The following ZBTB40 variants were observed in gnomAD, a reference collection of about 807,000 sequenced individuals.
ZBTB40 encodes zinc finger and BTB domain containing 40, also known as zinc finger and BTB domain-containing protein 40.
In ZBTB40, 60 loss-of-function variants were observed where a neutral mutation model predicts 117.5. The ratio of observed to expected loss-of-function variants is 0.51; its 90% CI spans 0.41 to 0.63. The LOEUF is 0.63. ZBTB40 is among the 30% of genes least tolerant of loss of function. The probability of loss-of-function intolerance (pLI) is 0.00; values close to 1 mark genes in which losing one functional copy is unlikely to be tolerated. For missense variants in ZBTB40, 1,287 were observed against 1,498.5 expected (o/e 0.86, Z 2.33); for synonymous variants, 525 against 577.1 (o/e 0.91, Z 1.29).
chr1:22,500,826 T>C (rs1557509479), intron 3 of ZBTB40, among the ~76,000 whole-genome samples: 1 of 152,248 alleles, frequency 6.6e-6, no homozygotes, highest in Admixed American at 6.5e-5. Flanking sequence ...CCTTAATTGT[T>C]ACAGACTATA....
rs2124443775 is a variant in ZBTB40, at chr1:22,501,602, G to T, written c.942G>T (p.Arg314Ser). 1 of 1,614,146 alleles carries T rather than the reference G, an allele frequency of 6.2e-7. No individual in the cohort carries two copies. Among genetic ancestry groups the T allele is most frequent in the South Asian group, 1.1e-5 (1 of 91,086 alleles). ...TTCAAACTGTTGTGTCCCTGTTGAGGCTGTACCAATATTCTAATCCTGCAG... is the reference window on the plus strand; with the variant it reads ...TTCAAACTGTTGTGTCCCTGTTGAGTCTGTACCAATATTCTAATCCTGCAG... Reference protein sequence around the residue: ...LDVQTVVSLLRLYQYSNPAVK... With the variant: ...LDVQTVVSLLSLYQYSNPAVK... Residue 314 changes from arginine (R) to serine (S), a missense_variant, in exon 4 of 18, where the codon AGG (arginine) becomes AGT (serine). This residue lies in a region of ZBTB40 where 870 missense variants were observed against 934.4 expected (regional missense o/e 0.93). Coordinates refer to ENST00000375647, the MANE Select transcript of ZBTB40 (RefSeq NM_014870.4).
intron 12 of ZBTB40, among the ~76,000 whole-genome samples, chr1:22,515,069 T>A (rs1639340210): frequency 6.6e-6 from 1 of 152,200 alleles, no homozygotes; most frequent in Admixed American, 6.5e-5. Flanking sequence ...TGGGGGACAC[T>A]ATTTGTATCA....
intron 3 of ZBTB40, among the ~76,000 whole-genome samples, chr1:22,492,175 T>C (rs945451921): frequency 1.2e-4 from 18 of 152,202 alleles, no homozygotes; most frequent in African/African-American, 4.1e-4. Flanking sequence ...CATATGACCC[T>C]GAGCCAGAAT....
At chr1:22,515,932 G>A (rs1258021392) in intron 12 of ZBTB40, among the ~76,000 whole-genome samples, 1 of 152,244 alleles carries the variant, frequency 6.6e-6, no homozygotes, top group Non-Finnish European at 1.5e-5. Context: ...GGAAACAGAA[G>A]GCTGTTAGAG....
Position 22,508,707 on chromosome 1 carries a change from G to A in ZBTB40, c.1675G>A (p.Gly559Ser), listed in dbSNP as rs757148308. 3.0e-5 allele frequency: 49 copies of A among 1,613,902 alleles called. No individual in the cohort carries two copies. The highest frequency in any genetic ancestry group is 1.7e-4 in the Middle Eastern group (1 of 5,940). Residue 559 changes from glycine to serine, a missense_variant, in exon 8 of 18, where the codon GGT becomes AGT. Gly to Ser is a moderately conservative substitution (Grantham distance 56, BLOSUM62 0). Coordinates refer to ENST00000375647, the MANE Select transcript of ZBTB40 (RefSeq NM_014870.4). ...LLMEEIRREP[G>S]ADAFFRAVTT... ...CATGGAGGAAATACGAAGGGAGCCT[G>A]GTGCCGATGCTTTCTTCCGGGCAGG...
rs773350454 is a variant in ZBTB40, at chr1:22,489,984, G to A, written c.36G>A (p.Gln12=). The change falls in exon 2 of 18, where the codon CAG becomes CAA. Residue 12 remains glutamine, a synonymous_variant. Transcript: ENST00000375647. ...CCAACTACAGCCGGCAGCTGCTGCA[G>A]CAGCTGTACACTCTGTGCAAGGAGC... ...ELPNYSRQLL[Q]QLYTLCKEQQ... 2 of 1,613,326 alleles carry A rather than the reference G, an allele frequency of 1.2e-6. No individual in the cohort carries two copies. Among genetic ancestry groups the A allele is most frequent in the Admixed American group, 1.7e-5 (1 of 60,020 alleles).
intron 1 of ZBTB40, among the ~76,000 whole-genome samples, chr1:22,452,335 C>T (rs1640897811): frequency 6.6e-6 from 1 of 152,230 alleles, no homozygotes; most frequent in African/African-American, 2.4e-5. Flanking sequence ...CTGTCTCACT[C>T]CCCCTCCCTT....
In ZBTB40 at chr1:22,497,452, G is replaced by C. The variant is rs1035844958; in HGVS notation, c.832-4040G>C. On this transcript the variant is annotated intron_variant, in intron 3 of 17. Transcript: ENST00000375647. ...GTGAGTTAATGAGATTCGTTTTACA[G>C]GTCTATGAAAGGTGAAAATAAGTTG... Among the ~76,000 whole-genome samples the C allele has an allele frequency of 2.6e-5, 4 of 152,148 alleles. No individual in the cohort carries two copies. In the South Asian group the frequency reaches 8.3e-4, roughly 32 times the overall value.
At chr1:22,497,765 C>T (rs1286820354) in intron 3 of ZBTB40, among the ~76,000 whole-genome samples, 1 of 152,166 alleles carries the variant, frequency 6.6e-6, no homozygotes, top group Non-Finnish European at 1.5e-5. Flanking sequence ...GGGGTGCCAG[C>T]TACTCCACTT....
intron 1 of ZBTB40, among the ~76,000 whole-genome samples, chr1:22,461,061 AC>A (rs1641120550): frequency 6.6e-6 from 1 of 152,248 alleles, no homozygotes; most frequent in Non-Finnish European, 1.5e-5. Context: ...GATGTCGTGA[AC>A]ATAGTGGGAA....
chr1:22,451,464 GTC>G (rs1468307273), upstream of ZBTB40, among the ~76,000 whole-genome samples: 1 of 151,864 alleles, frequency 6.6e-6, no homozygotes, highest in Non-Finnish European at 1.5e-5. Flanking sequence ...GTGACATCCT[GTC>G]TCTACTAAAA....
Position 22,479,243 on chromosome 1 carries a change from T to C in ZBTB40, c.-69-10637T>C, listed in dbSNP as rs913005592. Among the ~76,000 whole-genome samples, 4 of 152,370 alleles carry C rather than the reference T, an allele frequency of 2.6e-5. No individual in the cohort carries two copies. In the East Asian group the frequency reaches 7.7e-4, roughly 29 times the overall value. On this transcript the variant is annotated intron_variant, in intron 1 of 17. Coordinates refer to ENST00000375647, the MANE Select transcript of ZBTB40 (RefSeq NM_014870.4). Reference sequence around the variant, plus strand: ...ACGTTCTCACCAACATTTGGTGTTATCAGTCTTTCTGATTTTAATTATTTT... The same window carrying C: ...ACGTTCTCACCAACATTTGGTGTTACCAGTCTTTCTGATTTTAATTATTTT...
intron 1 of ZBTB40, among the ~76,000 whole-genome samples, chr1:22,458,677 A>C (rs1335962584): frequency 6.6e-6 from 1 of 152,234 alleles, no homozygotes; most frequent in Admixed American, 6.5e-5. Flanking sequence ...TGTATCACCA[A>C]CTTCATAAAC....
chr1:22,512,128 G>T lies in ZBTB40; in HGVS notation c.2455G>T (p.Ala819Ser). ...CDLCGREFAH[A>S]SGMQYHKLTE... ...CCTCTGTGGCAGAGAATTTGCCCAT[G>T]CCTCAGGTACGTTCAAGAAGGCAAA... The change falls in exon 11 of 18, where the codon GCC (alanine) becomes TCC (serine). Residue 819 changes from alanine (A) to serine (S), a missense_variant. By Grantham distance (99) the Ala-to-Ser change is moderately conservative (BLOSUM62 1). This residue lies in a region of ZBTB40 where 417 missense variants were observed against 564.1 expected (regional missense o/e 0.74). Transcript: ENST00000375647. The T allele has an allele frequency of 6.2e-7, 1 of 1,612,952 alleles. No homozygotes were observed. The highest frequency in any genetic ancestry group is 8.5e-7 in the Non-Finnish European group (1 of 1,180,026).
At position 22,524,719 on chromosome 1, in the gene ZBTB40, C is replaced by T. The variant is rs146776872; in HGVS notation, c.3525+275C>T. ...TACGTCCCTGCCTCCTGAGAAACAC[C>T]GTGGGGTGTGGTGAGAACTGCGGGA... On this transcript the variant is annotated intron_variant, in intron 17 of 17. Transcript: ENST00000375647. Among the ~76,000 whole-genome samples the T allele has an allele frequency of 7.4e-3, 1,124 of 152,304 alleles. 13 individuals are homozygous for T. The highest frequency in any genetic ancestry group is 0.011 in the East Asian group (59 of 5,174).
Position 22,455,001 on chromosome 1 carries a change from A to G in ZBTB40, c.-70+2997A>G, listed in dbSNP as rs1640972514. Among the ~76,000 whole-genome samples the G allele has an allele frequency of 2.6e-5, 4 of 152,216 alleles. No homozygotes were observed. In the South Asian group the frequency reaches 8.3e-4, roughly 32 times the overall value. On this transcript the variant is annotated intron_variant, in intron 1 of 17. Coordinates refer to ENST00000375647, the MANE Select transcript of ZBTB40 (RefSeq NM_014870.4). ...AAGCCCTCTACTTTCTATCTCCAGA[A>G]AGAGGGGAGCAGATCTTGTTTTTTC...
chr1:22,448,520 T>C (rs1437380204), upstream of ZBTB40, among the ~76,000 whole-genome samples: 3 of 152,204 alleles, frequency 2.0e-5, no homozygotes, highest in Non-Finnish European at 4.4e-5. Flanking sequence ...AACCCAAAAG[T>C]TATTACTACA....
intron 1 of ZBTB40, among the ~76,000 whole-genome samples, chr1:22,431,295 T>TATATACAATATTGTATATATTGAAG (rs1640581317): frequency 6.8e-6 from 1 of 146,536 alleles, no homozygotes; most frequent in Non-Finnish European, 1.5e-5. Context: ...ATATATTGAA[T>TATATACAATATTGTATATATTGAAG]ATATTGAATA....
At position 22,476,229 on chromosome 1, in the gene ZBTB40, C is replaced by T. The variant is rs140525218; in HGVS notation, c.-69-13651C>T. On this transcript the variant is annotated intron_variant, in intron 1 of 17. Coordinates refer to ENST00000375647, the MANE Select transcript of ZBTB40 (RefSeq NM_014870.4). The stretch of plus-strand genomic sequence containing the variant: ...TTGTTTCCTTATAACTTAGAGGATC[C>T]TCAAAGTTTCTTTTGAGACAGTCTT... Among the ~76,000 whole-genome samples the T allele has an allele frequency of 1.6e-3, 244 of 152,232 alleles. 1 individual carries two copies. Among genetic ancestry groups the T allele is most frequent in the African/African-American group, 5.8e-3 (240 of 41,550 alleles).
Sources: gnomAD v4.1 joint callset for allele counts (sites outside exome capture counted in the v4.1 genomes callset) on GRCh38, gnomAD v4.1.1 for gene constraint, gnomAD v4.1.1 regional missense constraint, MANE v1.5 for transcripts, NCBI Gene and HGNC (gene_info 2026-07-23, HGNC 2026-07-21) for gene names.